CALN1: variants seen among roughly 807,000 people sequenced by gnomAD.
CALN1 encodes calneuron 1.
A neutral mutation model predicts 30.6 loss-of-function variants in CALN1; 17 were observed. The observed-to-expected ratio is 0.56, with a 90% CI of 0.38 to 0.83. The LOEUF is 0.83. Ranked by LOEUF, CALN1 falls within the 40% of genes least tolerant of loss-of-function variation. The pLI is 0.00. For missense variants in CALN1, 291 were observed against 354.9 expected, an observed-to-expected ratio of 0.82 and a Z score of 1.45; for synonymous variants, 156 against 131.4, an observed-to-expected ratio of 1.19 and a Z score of -1.28.
chr7:72,025,895 AC>A (rs1801022615), intron 4 of CALN1, among the ~76,000 whole-genome samples: 1 of 152,172 alleles, frequency 6.6e-6, no homozygotes, highest in African/African-American at 2.4e-5. Flanking sequence ...TTGTCCAGGA[AC>A]AGATTGTCCA....
chr7:71,980,982 A>G (rs796470439), intron 5 of CALN1, among the ~76,000 whole-genome samples: 20 of 152,172 alleles, frequency 1.3e-4, no homozygotes, highest in African/African-American at 4.8e-4. Flanking sequence ...TGATCTTAAG[A>G]AGGCCACAGG....
rs1292472751 is a variant in CALN1 at position 72,035,411 on chromosome 7, T to A, written c.389-11642A>T. On this transcript the variant is annotated intron_variant, in intron 4 of 6. Coordinates refer to ENST00000395275, the MANE Select transcript of CALN1 (RefSeq NM_031468.4). ...TTTCATGCATAAAGTCCCTCAAGGT[T>A]CATCCATGTTGTAGCATATGCCAGC... Among the ~76,000 whole-genome samples, 9 of 152,172 alleles carry A rather than the reference T, an allele frequency of 5.9e-5. 1 individual carries two copies.
At chr7:72,274,905 G>C (rs1165316519) in intron 3 of CALN1, among the ~76,000 whole-genome samples, 1 of 152,094 alleles carries the variant, frequency 6.6e-6, no homozygotes, top group Non-Finnish European at 1.5e-5. Context: ...CCTGAGCTTT[G>C]TGTAAAGAGA....
intron 4 of CALN1, among the ~76,000 whole-genome samples, chr7:72,045,291 T>G (rs1802396058): frequency 6.6e-6 from 1 of 152,194 alleles, no homozygotes; most frequent in South Asian, 2.1e-4. Context: ...GACCCAGGTC[T>G]GCAAAATCCA....
At chr7:71,864,089 T>C (rs1394015015) in intron 5 of CALN1, among the ~76,000 whole-genome samples, 4 of 148,432 alleles carry the variant, frequency 2.7e-5, no homozygotes, top group Non-Finnish European at 5.9e-5. Flanking sequence ...TTAAATAAGA[T>C]CCTCCCCCCC....
chr7:72,409,483 T>C (rs1806959976), intron 1 of CALN1, among the ~76,000 whole-genome samples: 1 of 147,834 alleles, frequency 6.8e-6, no homozygotes, highest in South Asian at 2.3e-4. Context: ...GAAGGAGGCA[T>C]ATGGATAGTC....
At chr7:72,230,522 A>T (rs2129550557) in intron 3 of CALN1, among the ~76,000 whole-genome samples, 1 of 151,926 alleles carries the variant, frequency 6.6e-6, no homozygotes, top group Non-Finnish European at 1.5e-5. Flanking sequence ...AAAAAAAAAA[A>T]AGATGGAAGA....
In CALN1 at chr7:72,370,739, AAC is replaced by A. The variant is rs1320749071; in HGVS notation, c.119+32510_119+32511del. On this transcript the variant is annotated intron_variant, in intron 2 of 6. Transcript: ENST00000395275. ...TCATGGCTTTTCTTTTCATTCTCTC[AAC>A]AGTGTCTTTCAAAGAGAGAGCTCTT... Among the ~76,000 whole-genome samples the A allele has an allele frequency of 3.3e-5, 5 of 151,898 alleles. No homozygotes were observed. In the East Asian group the frequency reaches 7.7e-4, roughly 23 times the overall value.
intron 5 of CALN1, among the ~76,000 whole-genome samples, chr7:71,845,737 C>A (rs1790192318): frequency 6.6e-6 from 1 of 151,962 alleles, no homozygotes; most frequent in South Asian, 2.1e-4. Flanking sequence ...CTAGGGCTGA[C>A]CTGGGATTTC....
At chr7:72,317,590 C>T (rs1800573268) in intron 2 of CALN1, among the ~76,000 whole-genome samples, 1 of 152,116 alleles carries the variant, frequency 6.6e-6, no homozygotes, top group African/African-American at 2.4e-5. Flanking sequence ...AGAACTGTGA[C>T]CACAGGGCGA....
At chr7:71,861,962 GA>G (rs1343768982) in intron 5 of CALN1, among the ~76,000 whole-genome samples, 1 of 152,184 alleles carries the variant, frequency 6.6e-6, no homozygotes, top group Non-Finnish European at 1.5e-5. Context: ...AAGACAGGCA[GA>G]AGCAGGGAAT....
At chr7:72,244,060 C>G (rs1349329572) in intron 3 of CALN1, among the ~76,000 whole-genome samples, 2 of 152,180 alleles carry the variant, frequency 1.3e-5, no homozygotes, top group Non-Finnish European at 2.9e-5. Flanking sequence ...GGCTGAATCT[C>G]CTTGCTGAAA....
chr7:71,985,681 C>T (rs1466527346), intron 5 of CALN1, among the ~76,000 whole-genome samples: 1 of 150,846 alleles, frequency 6.6e-6, no homozygotes, highest in African/African-American at 2.4e-5. Flanking sequence ...CCCCTGCCTC[C>T]CAGGTTCAAG....
intron 5 of CALN1, among the ~76,000 whole-genome samples, chr7:71,978,743 A>G (rs1798236699): frequency 6.6e-6 from 1 of 152,190 alleles, no homozygotes; most frequent in Non-Finnish European, 1.5e-5. Flanking sequence ...TTTATCCCAG[A>G]GTCATAGGCA....
chr7:72,359,264 C>G (rs1351549897), intron 2 of CALN1, among the ~76,000 whole-genome samples: 1 of 152,168 alleles, frequency 6.6e-6, no homozygotes, highest in Admixed American at 6.5e-5. Context: ...CGTTCTCAAT[C>G]CATTTCTGAG....
At chr7:72,033,417 A>G (rs78124042) in intron 4 of CALN1, among the ~76,000 whole-genome samples, 5,973 of 152,306 alleles carry the variant, frequency 0.039, 363 homozygotes, top group African/African-American at 0.13. Context: ...CCAAAGCATA[A>G]GGCGCAGCTT....
At chr7:72,244,663 A>G (rs917535785) in intron 3 of CALN1, among the ~76,000 whole-genome samples, 1 of 151,578 alleles carries the variant, frequency 6.6e-6, no homozygotes, top group Non-Finnish European at 1.5e-5. Context: ...GGCAATTAAA[A>G]TGGGGGTTGA....
rs17144086 is a variant in CALN1, at chr7:71,888,557, C to A, written c.502-78065G>T. On this transcript the variant is annotated intron_variant, in intron 5 of 6. Coordinates refer to ENST00000395275, the MANE Select transcript of CALN1 (RefSeq NM_031468.4). ...ATACAGCCAAAGGTCAATAAAGAAA[C>A]GGCTAAAAAGTAGTCTTTGATGTTG... Among the ~76,000 whole-genome samples the A allele has an allele frequency of 1.5e-4, 23 of 150,864 alleles. 1 individual carries two copies. Among genetic ancestry groups the A allele is most frequent in the African/African-American group, 5.6e-4 (23 of 41,220 alleles).
chr7:72,322,337 G>A (rs1481757140), intron 2 of CALN1, among the ~76,000 whole-genome samples: 1 of 152,148 alleles, frequency 6.6e-6, no homozygotes, highest in African/African-American at 2.4e-5. Context: ...TGTAAGCAAT[G>A]GGGAGTGGCT....
Sources: allele counts gnomAD v4.1 joint callset (sites outside exome capture counted in the v4.1 genomes callset), GRCh38; gene constraint gnomAD v4.1.1; transcripts MANE v1.5; gene names NCBI Gene and HGNC (gene_info 2026-07-23, HGNC 2026-07-21).